The following EFR3A variants were observed in gnomAD, a reference collection of about 807,000 sequenced individuals.
EFR3A encodes the protein protein EFR3 homolog A.
A neutral mutation model predicts 104.4 loss-of-function variants in EFR3A; 76 were observed. That is an observed-to-expected ratio of 0.73 (90% CI 0.60 to 0.88). The LOEUF is 0.88. EFR3A is among the 40% of genes least tolerant of loss of function. EFR3A has a pLI of 0.00. For missense variants in EFR3A, 985 were observed against 1,012.5 expected, an observed-to-expected ratio of 0.97 and a Z score of 0.37; for synonymous variants, 330 against 330.0, an observed-to-expected ratio of 1.00 and a Z score of 0.00.
intron 19 of EFR3A, among the ~76,000 whole-genome samples, chr8:131,997,048 AAAAC>A: frequency 6.6e-6 from 1 of 152,204 alleles, no homozygotes; most frequent in South Asian, 2.1e-4. Flanking sequence ...TGGCTTATTT[AAAAC>A]ATCATAGATT....
intron 1 of EFR3A, among the ~76,000 whole-genome samples, chr8:131,933,257 C>CT (rs1817708015): frequency 1.3e-5 from 2 of 152,118 alleles, no homozygotes; most frequent in Non-Finnish European, 2.9e-5. Context: ...TGCCAAGACT[C>CT]TTCCCCCTGA....
At chr8:131,987,340 G>T (rs1432574314) in intron 17 of EFR3A, among the ~76,000 whole-genome samples, 1 of 152,074 alleles carries the variant, frequency 6.6e-6, no homozygotes, top group African/African-American at 2.4e-5. Context: ...TTCACTATTG[G>T]AATGTTACTG....
intron 1 of EFR3A, among the ~76,000 whole-genome samples, chr8:131,915,906 G>C (rs1034149485): frequency 6.6e-6 from 1 of 152,130 alleles, no homozygotes; most frequent in Non-Finnish European, 1.5e-5. Context: ...CATTTATTAT[G>C]CTAGACACTG....
At chr8:131,947,234 C>T (rs1024149373) in intron 4 of EFR3A, among the ~76,000 whole-genome samples, 3 of 151,932 alleles carry the variant, frequency 2.0e-5, no homozygotes, top group Admixed American at 2.0e-4. Context: ...GAAGTGGTAT[C>T]TCATTGTGGT....
At chr8:131,947,448 A>T (rs916149424) in intron 4 of EFR3A, among the ~76,000 whole-genome samples, 1 of 150,762 alleles carries the variant, frequency 6.6e-6, no homozygotes, top group Non-Finnish European at 1.5e-5. Context: ...TATCTTCTCC[A>T]TTTCTATGGT....
rs200220552 is a variant in EFR3A at position 131,968,286 on chromosome 8, C to T, written c.856-9C>T. 1.3e-4 allele frequency: 206 copies of T among 1,612,154 alleles called. 2 individuals carry two copies. In the South Asian group the frequency reaches 2.1e-3, roughly 16 times the overall value. On this transcript the variant is annotated splice_polypyrimidine_tract_variant and intron_variant, in intron 8 of 22. Transcript: ENST00000254624. ...TTTATACATCTTTGTACTGTTTTGT[C>T]TCCTTCAGGCTCAGTATTCTCACCA...
intron 14 of EFR3A, among the ~76,000 whole-genome samples, chr8:131,982,793 GT>G (rs1231111977): frequency 2.0e-5 from 3 of 151,862 alleles, no homozygotes; most frequent in Non-Finnish European, 2.9e-5. Flanking sequence ...CCAATGCATA[GT>G]TTTTTTTACC....
rs2270878 is a variant in EFR3A at position 131,970,325 on chromosome 8, C to A, written c.992-151C>A. On this transcript the variant is annotated intron_variant, in intron 9 of 22. Transcript: ENST00000254624. ...CTTTCTTAATTATTTCTCATTTACT[C>A]TTTTTTAAAAAAATGAAATAGTTTA... 338 of 761,414 alleles carry A rather than the reference C, an allele frequency of 4.4e-4. 1 individual carries two copies. The East Asian group carries it at 9.0e-3, about 20-fold the overall frequency. 47.2% of individuals were successfully genotyped at this position (761,414 alleles called of 1,614,324 possible).
intron 1 of EFR3A, among the ~76,000 whole-genome samples, chr8:131,909,728 A>G (rs140044574): frequency 5.3e-5 from 8 of 152,194 alleles, no homozygotes; most frequent in East Asian, 1.9e-4. Flanking sequence ...GGGCTGTCCT[A>G]TGCACTATAG....
At chr8:131,991,104 C>T (rs1006547573) in intron 18 of EFR3A, among the ~76,000 whole-genome samples, 1 of 152,098 alleles carries the variant, frequency 6.6e-6, no homozygotes, top group African/African-American at 2.4e-5. Context: ...GTCTCACAAT[C>T]ATCATGGCAG....
At chr8:131,978,480 A>G (rs1049113270) in intron 12 of EFR3A, among the ~76,000 whole-genome samples, 9 of 152,128 alleles carry the variant, frequency 5.9e-5, no homozygotes, top group Non-Finnish European at 1.3e-4. Context: ...TTGTCACCTA[A>G]GCTCCTTATA....
chr8:132,010,407 GATATATATATATAT>G (rs66644698), intron 22 of EFR3A, among the ~76,000 whole-genome samples: 36 of 81,890 alleles, frequency 4.4e-4, no homozygotes, highest in Admixed American at 1.3e-3. Context: ...TCAAGTATGA[GATATATATATATAT>G]ATATATATAT....
Position 131,968,521 on chromosome 8 carries a change from G to C in EFR3A, c.991+91G>C. On this transcript the variant is annotated intron_variant, in intron 9 of 22. Transcript: ENST00000254624. ...TAGCAGTGTATGAAGAACTCTTTAA[G>C]AATATTTCTACACATTTTTCGGTGT... 7 of 1,262,572 alleles carry C rather than the reference G, an allele frequency of 5.5e-6. No individual in the cohort carries two copies. The South Asian group carries it at 1.4e-4, about 25-fold the overall frequency. 78.2% of individuals were successfully genotyped at this position (1,262,572 alleles called of 1,614,324 possible).
At chr8:131,970,431 C>T in intron 9 of EFR3A, 45 bp from the exon 10 acceptor site, 13 of 1,551,980 alleles carry the variant, frequency 8.4e-6, no homozygotes, top group Admixed American at 1.9e-5. Context: ...TTCAAATATG[C>T]AATACTAGAA....
At chr8:131,934,894 T>C (rs1817799062) in intron 1 of EFR3A, among the ~76,000 whole-genome samples, 2 of 152,142 alleles carry the variant, frequency 1.3e-5, no homozygotes, top group Admixed American at 1.3e-4. Context: ...TTGCTAAATA[T>C]TTTTGATTGT....
chr8:131,979,390 T>C lies in EFR3A; in HGVS notation c.1544T>C (p.Ile515Thr). ...VADLKIKREK[I>T]CRQDTSFMKK... is the part of the protein sequence containing the mutation. The stretch of plus-strand genomic sequence containing the variant: ...GACCTAAAGATAAAAAGAGAAAAAA[T>C]TTGCAGACAAGACACAAGTTTCATG... The change falls in exon 14 of 23, where the codon ATT becomes ACT. Residue 515 changes from isoleucine to threonine, a missense_variant. Physicochemically the swap from Ile to Thr is moderately conservative, Grantham distance 89. Transcript: ENST00000254624. 6 of 1,567,496 alleles carry C rather than the reference T, an allele frequency of 3.8e-6. No individual in the cohort carries two copies. The highest frequency in any genetic ancestry group is 5.2e-6 in the Non-Finnish European group (6 of 1,154,780).
At chr8:131,918,071 G>T (rs961467636) in intron 1 of EFR3A, among the ~76,000 whole-genome samples, 1 of 152,128 alleles carries the variant, frequency 6.6e-6, no homozygotes, top group Non-Finnish European at 1.5e-5. Flanking sequence ...GGCAGATCAC[G>T]AGGTCAAGAG....
intron 1 of EFR3A, among the ~76,000 whole-genome samples, chr8:131,934,476 C>G (rs950268557): frequency 6.6e-6 from 1 of 152,102 alleles, no homozygotes; most frequent in South Asian, 2.1e-4. Flanking sequence ...CATTGGAGAG[C>G]CTTTGTCCTA....
intron 10 of EFR3A, among the ~76,000 whole-genome samples, chr8:131,975,347 C>T (rs1362723159): frequency 6.6e-5 from 10 of 150,830 alleles, no homozygotes; most frequent in African/African-American, 2.2e-4. Context: ...TTTAGGCTTA[C>T]GATGTGTGAA....
Sources: allele counts gnomAD v4.1 joint callset (sites outside exome capture counted in the v4.1 genomes callset), GRCh38; gene constraint gnomAD v4.1.1; transcripts MANE v1.5; gene names NCBI Gene and HGNC (gene_info 2026-07-23, HGNC 2026-07-21).